Variants in ROBO1 observed in about 807,000 individuals in gnomAD.
ROBO1 encodes the protein roundabout homolog 1.
A neutral mutation model predicts 195.9 loss-of-function variants in ROBO1; 149 were observed. The ratio of observed to expected loss-of-function variants is 0.76; its 90% confidence interval spans 0.67 to 0.87. ROBO1 has a LOEUF of 0.87. Ranked by LOEUF, ROBO1 falls within the 40% of genes least tolerant of loss-of-function variation. The pLI is 0.00. For missense variants in ROBO1, 1,933 were observed against 2,068.3 expected (o/e 0.93, Z 1.27); for synonymous variants, 816 against 733.2 (o/e 1.11, Z -1.82).
intron 4 of ROBO1, among the ~76,000 whole-genome samples, chr3:78,796,526 T>C (rs1443014847): frequency 7.0e-6 from 1 of 143,728 alleles, no homozygotes; most frequent in Non-Finnish European, 1.5e-5. Context: ...GTTCCACAAG[T>C]ATCTTAAACT....
rs2080198316 is a variant in ROBO1, at chr3:79,125,482, T to C, written c.146A>G (p.Asn49Ser). 1 of 1,613,692 alleles carries C rather than the reference T, an allele frequency of 6.2e-7. No homozygotes were observed. The highest frequency in any genetic ancestry group is 8.5e-7 in the Non-Finnish European group (1 of 1,179,774). The change falls in exon 3 of 31, where the codon AAC becomes AGC. Residue 49 changes from asparagine to serine, a missense_variant. Transcript: ENST00000464233. Reference protein sequence around the residue: ...DHGTPIPTSDNDDNSLGYTGS... With the variant: ...DHGTPIPTSDSDDNSLGYTGS... ...TGTATAGCCCAGCGAATTGTCATCG[T>C]TATCAGAGGTGGGGATTGGCGTCCC...
chr3:79,666,511 C>A (rs1247224541), intron 1 of ROBO1, among the ~76,000 whole-genome samples: 5 of 151,724 alleles, frequency 3.3e-5, no homozygotes, highest in African/African-American at 1.2e-4. Flanking sequence ...TAGGAGGGAC[C>A]CAGTGGAGAT....
chr3:79,526,128 A>G (rs1165808298), intron 2 of ROBO1, among the ~76,000 whole-genome samples: 1 of 152,186 alleles, frequency 6.6e-6, no homozygotes, highest in Non-Finnish European at 1.5e-5. Context: ...TTATCTTCTC[A>G]TAGGAAGAAT....
At chr3:79,221,133 C>G (rs989172677) in intron 2 of ROBO1, among the ~76,000 whole-genome samples, 4 of 152,038 alleles carry the variant, frequency 2.6e-5, no homozygotes, top group Admixed American at 6.6e-5. Flanking sequence ...GACACCCAAT[C>G]ATAGGCAATT....
At chr3:79,289,000 T>C (rs1414493809) in intron 2 of ROBO1, among the ~76,000 whole-genome samples, 1 of 152,158 alleles carries the variant, frequency 6.6e-6, no homozygotes, top group African/African-American at 2.4e-5. Context: ...AAACAACATG[T>C]CTTTCAATGA....
intron 3 of ROBO1, among the ~76,000 whole-genome samples, chr3:78,940,380 TA>T (rs2040066953): frequency 6.6e-6 from 1 of 152,224 alleles, no homozygotes; most frequent in Non-Finnish European, 1.5e-5. Context: ...GGTTGTCCTC[TA>T]CTTCAGTGGC....
intron 2 of ROBO1, among the ~76,000 whole-genome samples, chr3:79,227,211 C>T (rs1212704749): frequency 6.6e-6 from 1 of 152,124 alleles, no homozygotes; most frequent in Non-Finnish European, 1.5e-5. Context: ...CACTGGCTCC[C>T]TAGCAGCTGT....
At chr3:79,307,706 C>T (rs2033287434) in intron 2 of ROBO1, among the ~76,000 whole-genome samples, 1 of 151,886 alleles carries the variant, frequency 6.6e-6, no homozygotes, top group South Asian at 2.1e-4. Flanking sequence ...GGTAATATGT[C>T]AAGTAGATAC....
intron 2 of ROBO1, among the ~76,000 whole-genome samples, chr3:79,241,736 T>C (rs1257624736): frequency 6.7e-6 from 1 of 150,060 alleles, no homozygotes; most frequent in African/African-American, 2.4e-5. Context: ...ATAATTTATG[T>C]AAATATAAAA....
At chr3:79,598,405 C>T (rs765923294) in intron 1 of ROBO1, among the ~76,000 whole-genome samples, 8 of 152,040 alleles carry the variant, frequency 5.3e-5, no homozygotes, top group Non-Finnish European at 1.0e-4. Context: ...TACTCCTAGA[C>T]TTCCAAAAAT....
At chr3:79,728,848 CTA>C (rs1313428475) in intron 1 of ROBO1, among the ~76,000 whole-genome samples, 2 of 151,996 alleles carry the variant, frequency 1.3e-5, no homozygotes, top group Non-Finnish European at 2.9e-5. Flanking sequence ...CAAGAAAGCA[CTA>C]TAGTTTGGCA....
intron 2 of ROBO1, among the ~76,000 whole-genome samples, chr3:79,262,348 C>A (rs2082955071): frequency 6.6e-6 from 1 of 152,016 alleles, no homozygotes; most frequent in Admixed American, 6.6e-5. Flanking sequence ...GGGGAAAAAA[C>A]TGAAAATAAA....
Position 78,786,439 on chromosome 3 carries a change from GATT to G in ROBO1, c.500-39542_500-39540del, listed in dbSNP as rs749228820. ...ATGATGCTATTATATACATATTTCA[GATT>G]ATTATTTTATTTAATCCTCATGACC... On this transcript the variant is annotated intron_variant, in intron 4 of 30. Transcript: ENST00000464233. Among the ~76,000 whole-genome samples the G allele has an allele frequency of 2.6e-5, 4 of 152,158 alleles. No homozygotes were observed. The South Asian group carries it at 6.2e-4, about 24-fold the overall frequency.
At chr3:78,926,382 T>C (rs2039221050) in intron 4 of ROBO1, among the ~76,000 whole-genome samples, 3 of 152,086 alleles carry the variant, frequency 2.0e-5, no homozygotes, top group Non-Finnish European at 4.4e-5. Flanking sequence ...CTGATTCAAA[T>C]TGCAAAGGAA....
intron 1 of ROBO1, among the ~76,000 whole-genome samples, chr3:79,650,630 T>G (rs1389365212): frequency 6.6e-6 from 1 of 151,700 alleles, no homozygotes; most frequent in East Asian, 1.9e-4. Flanking sequence ...TATGCAATAA[T>G]AAGAAAATGA....
intron 1 of ROBO1, among the ~76,000 whole-genome samples, chr3:79,748,380 T>C (rs1180975322): frequency 3.9e-5 from 6 of 152,232 alleles, no homozygotes; most frequent in African/African-American, 7.2e-5. Context: ...TTATTACCTA[T>C]GTATCAGATG....
intron 5 of ROBO1, among the ~76,000 whole-genome samples, chr3:78,745,312 A>G (rs1022226576): frequency 6.6e-6 from 1 of 151,880 alleles, no homozygotes; most frequent in Non-Finnish European, 1.5e-5. Flanking sequence ...ATTTCAAAAA[A>G]AAAAAAAAAA....
chr3:79,219,608 A>T (rs928676501), intron 2 of ROBO1, among the ~76,000 whole-genome samples: 3 of 152,038 alleles, frequency 2.0e-5, no homozygotes, highest in African/African-American at 4.8e-5. Context: ...GACCTGCAAG[A>T]TGAACAAGCA....
At chr3:79,174,376 C>T (rs1380945437) in intron 2 of ROBO1, among the ~76,000 whole-genome samples, 4 of 151,920 alleles carry the variant, frequency 2.6e-5, no homozygotes, top group Admixed American at 6.6e-5. Context: ...AGCGAAACCA[C>T]GAACCCACCA....
Sources: gnomAD v4.1 joint callset for allele counts (sites outside exome capture counted in the v4.1 genomes callset) on GRCh38, gnomAD v4.1.1 for gene constraint, MANE v1.5 for transcripts, NCBI Gene and HGNC (gene_info 2026-07-23, HGNC 2026-07-21) for gene names.